Variants in E2F3 observed in about 807,000 individuals in gnomAD.
The protein encoded by E2F3 is E2F transcription factor 3, also known as transcription factor E2F3.
E2F3 carries 11 observed loss-of-function variants against 44.4 expected under a neutral mutation model. The observed-to-expected ratio is 0.25, with a 90% CI of 0.16 to 0.41. E2F3 has a LOEUF of 0.41. Among genes scored for constraint, E2F3 ranks in the 10% least tolerant of loss-of-function variants. The pLI is 1.00. For missense variants in E2F3, 487 were observed against 583.6 expected (o/e 0.83, Z 1.70); for synonymous variants, 249 against 253.0 (o/e 0.98, Z 0.15).
chr6:20,408,254 A>G (rs971479316), intron 1 of E2F3, among the ~76,000 whole-genome samples: 37 of 152,340 alleles, frequency 2.4e-4, no homozygotes, highest in African/African-American at 8.9e-4. Flanking sequence ...AGGAAAATGT[A>G]TCTTTCACAA....
At chr6:20,404,971 G>A (rs1363561555) in intron 1 of E2F3, among the ~76,000 whole-genome samples, 2 of 152,154 alleles carry the variant, frequency 1.3e-5, no homozygotes, top group Non-Finnish European at 2.9e-5. Flanking sequence ...ATACTTCTTG[G>A]ATTAGATTCA....
intron 4 of E2F3, 135 bp downstream of exon 4, chr6:20,483,055 ATGTG>A: frequency 1.5e-6 from 2 of 1,296,802 alleles, no homozygotes; most frequent in Admixed American, 2.0e-5. Flanking sequence ...CTGTGTGTGT[ATGTG>A]TGTGTGTGTG....
intron 1 of E2F3, among the ~76,000 whole-genome samples, chr6:20,433,728 A>G (rs1181213425): frequency 6.6e-6 from 1 of 152,158 alleles, no homozygotes; most frequent in Non-Finnish European, 1.5e-5. Context: ...TTTCCTTTGT[A>G]ATCCCATATA....
At chr6:20,488,634 G>C (rs1451207715) in intron 6 of E2F3, among the ~76,000 whole-genome samples, 1 of 152,180 alleles carries the variant, frequency 6.6e-6, no homozygotes, top group Non-Finnish European at 1.5e-5. Context: ...AAAAGCCTTT[G>C]TTGGAGAATT....
chr6:20,428,903 A>G (rs1473288689), intron 1 of E2F3, among the ~76,000 whole-genome samples: 1 of 152,210 alleles, frequency 6.6e-6, no homozygotes, highest in East Asian at 1.9e-4. Flanking sequence ...TGGGAACTCA[A>G]GACTGTCATT....
chr6:20,476,313 A>G (rs1007962286), intron 1 of E2F3, among the ~76,000 whole-genome samples: 11 of 152,106 alleles, frequency 7.2e-5, no homozygotes, highest in Admixed American at 2.0e-4. Context: ...GGAGCTTGCA[A>G]TAAGTTGAAA....
chr6:20,459,357 A>G (rs759960289), intron 1 of E2F3, among the ~76,000 whole-genome samples: 6 of 152,236 alleles, frequency 3.9e-5, no homozygotes, highest in Non-Finnish European at 8.8e-5. Flanking sequence ...GGTTATCTGA[A>G]GAGATGTACT....
intron 3 of E2F3, among the ~76,000 whole-genome samples, chr6:20,481,839 AC>A: frequency 6.6e-6 from 1 of 152,284 alleles, no homozygotes; most frequent in East Asian, 1.9e-4. Context: ...GTGTATACGT[AC>A]AACTGCATAG....
chr6:20,472,168 A>G (rs559924379), intron 1 of E2F3, among the ~76,000 whole-genome samples: 28 of 137,470 alleles, frequency 2.0e-4, no homozygotes, highest in African/African-American at 7.1e-4. Flanking sequence ...CAAAATAAAT[A>G]AGTCAATTTG....
intron 1 of E2F3, among the ~76,000 whole-genome samples, chr6:20,445,552 C>T (rs1302523226): frequency 6.6e-6 from 1 of 152,100 alleles, no homozygotes; most frequent in Non-Finnish European, 1.5e-5. Flanking sequence ...AGCATTGATA[C>T]CCCCTCTACA....
chr6:20,412,758 T>A (rs1759717609), intron 1 of E2F3, among the ~76,000 whole-genome samples: 1 of 152,174 alleles, frequency 6.6e-6, no homozygotes, highest in Admixed American at 6.5e-5. Flanking sequence ...GTCTTCAACC[T>A]TCTCAAAATG....
At chr6:20,480,026 C>T (rs776174987) in intron 2 of E2F3, 69 bp downstream of exon 2, 303 of 1,528,764 alleles carry the variant, frequency 2.0e-4, no homozygotes, top group Non-Finnish European at 2.6e-4. Flanking sequence ...AGCTTATGGC[C>T]GGAAGGATGC....
intron 6 of E2F3, among the ~76,000 whole-genome samples, chr6:20,488,718 G>A (rs1206485700): frequency 3.3e-5 from 5 of 152,152 alleles, no homozygotes; most frequent in Non-Finnish European, 5.9e-5. Flanking sequence ...AAGTCTTGCC[G>A]GGTGCGGTGG....
intron 1 of E2F3, chr6:20,440,176 T>G (rs1561861592): frequency 6.6e-6 from 1 of 152,374 alleles, no homozygotes; most frequent in East Asian, 1.9e-4. Context: ...TTTTGAACTC[T>G]TATTTAAGGG....
rs2040633679 is a variant in E2F3, at chr6:20,439,471, G to A, written c.393+36846G>A. Among the ~76,000 whole-genome samples, 4 of 152,236 alleles carry A rather than the reference G, an allele frequency of 2.6e-5. No individual in the cohort carries two copies. In the South Asian group the frequency reaches 8.3e-4, roughly 32 times the overall value. On this transcript the variant is annotated intron_variant, in intron 1 of 6. Transcript: ENST00000346618. Reference sequence around the variant, plus strand: ...ATTAGATCTGATTTTAATACTGTAAGTCTTTCCACTGATTACAAGTGCAGT... The same window carrying A: ...ATTAGATCTGATTTTAATACTGTAAATCTTTCCACTGATTACAAGTGCAGT...
chr6:20,430,522 C>G (rs1346119540), intron 1 of E2F3, among the ~76,000 whole-genome samples: 1 of 152,138 alleles, frequency 6.6e-6, no homozygotes, highest in African/African-American at 2.4e-5. Context: ...ATTTATTGGT[C>G]TTAAAGGGTA....
At chr6:20,441,005 G>T (rs1264776942) in intron 1 of E2F3, among the ~76,000 whole-genome samples, 1 of 152,204 alleles carries the variant, frequency 6.6e-6, no homozygotes, top group African/African-American at 2.4e-5. Context: ...CAGACAAGGG[G>T]TGAGGGCATC....
intron 1 of E2F3, chr6:20,437,928 A>G (rs921620101): frequency 1.3e-5 from 2 of 152,224 alleles, no homozygotes; most frequent in African/African-American, 4.8e-5. Flanking sequence ...GGCGCTTGGT[A>G]ATAAGATTTA....
intron 4 of E2F3, among the ~76,000 whole-genome samples, chr6:20,486,086 C>T (rs1762382634): frequency 6.6e-6 from 1 of 152,116 alleles, no homozygotes; most frequent in African/African-American, 2.4e-5. Context: ...TTTCTGACCA[C>T]TTAGTTTTTT....
Sources: gnomAD v4.1 joint callset for allele counts (sites outside exome capture counted in the v4.1 genomes callset) on GRCh38, gnomAD v4.1.1 for gene constraint, MANE v1.5 for transcripts, NCBI Gene and HGNC (gene_info 2026-07-23, HGNC 2026-07-21) for gene names.